Variants in RALGPS2 observed in about 807,000 individuals in gnomAD.
The protein encoded by RALGPS2 is Ral GEF with PH domain and SH3 binding motif 2.
Under a neutral mutation model 86.8 loss-of-function variants are expected in RALGPS2, and 43 were observed. The ratio of observed to expected loss-of-function variants is 0.50; its 90% confidence interval spans 0.39 to 0.64. The LOEUF (loss-of-function observed/expected upper bound fraction) is 0.64. Ranked by LOEUF, RALGPS2 falls within the 30% of genes least tolerant of loss-of-function variation. The pLI, the probability that RALGPS2 is intolerant of heterozygous loss-of-function variation, is 0.00. For synonymous variants in RALGPS2, 243 were observed against 231.3 expected (o/e 1.05, Z -0.46); for missense variants, 536 against 694.6 (o/e 0.77, Z 2.57).
In RALGPS2 at chr1:178,784,703, G is replaced by C. The variant is rs533748362; in HGVS notation, c.162+181G>C. On this transcript the variant is annotated intron_variant, in intron 3 of 19. Coordinates refer to ENST00000367635, the MANE Select transcript of RALGPS2 (RefSeq NM_152663.5). ...GGATGAAGTGGGAAAAGTAAGAAAA[G>C]CTGTACATTTTTTTTTAGGGCAACT... 1.3e-3 allele frequency among the ~76,000 whole-genome samples: 195 copies of C among 152,098 alleles called. 1 individual carries two copies. The highest frequency in any genetic ancestry group is 1.6e-4 in the Non-Finnish European group (11 of 67,938).
At chr1:178,818,493 G>C (rs928239432) in intron 6 of RALGPS2, among the ~76,000 whole-genome samples, 1 of 152,192 alleles carries the variant, frequency 6.6e-6, no homozygotes, top group African/African-American at 2.4e-5. Flanking sequence ...TCTGTACTTT[G>C]TATGGTACAG....
chr1:178,853,092 A>G (rs918024475), intron 8 of RALGPS2: 1 of 1,427,692 alleles, frequency 7.0e-7, no homozygotes, highest in African/African-American at 1.4e-5. Flanking sequence ...TTAGTTGGTC[A>G]CTTGCGTTTT....
intron 19 of RALGPS2, 37 bp from the exon 20 acceptor site, chr1:178,916,293 A>G (rs1405729724): frequency 4.6e-6 from 7 of 1,528,036 alleles, no homozygotes; most frequent in Admixed American, 1.7e-5. Context: ...TTGAAAAACA[A>G]CTTTTAAACT....
At chr1:178,727,502 C>A (rs561460015) in intron 1 of RALGPS2, among the ~76,000 whole-genome samples, 1 of 152,182 alleles carries the variant, frequency 6.6e-6, no homozygotes, top group East Asian at 1.9e-4. Context: ...CAGAACACAA[C>A]GTGCTTTTCT....
rs192741376 is a variant in RALGPS2, at chr1:178,785,523, A to C, written c.163-34A>C. ...TTACATGTTATGGTATAGAATTCCAAAGAAGAAATTGTCATTTTTACTTTA... is the reference window on the plus strand; with the variant it reads ...TTACATGTTATGGTATAGAATTCCACAGAAGAAATTGTCATTTTTACTTTA... On this transcript the variant is annotated intron_variant, in intron 3 of 19. Transcript: ENST00000367635. 1.2e-3 allele frequency: 1,795 copies of C among 1,560,478 alleles called. 12 individuals are homozygous for C. The African/African-American group carries it at 0.021, about 18-fold the overall frequency.
At chr1:178,764,023 T>A (rs1652377736) in intron 1 of RALGPS2, among the ~76,000 whole-genome samples, 1 of 152,134 alleles carries the variant, frequency 6.6e-6, no homozygotes, top group African/African-American at 2.4e-5. Flanking sequence ...GATCAAGTGT[T>A]GAGTTCAGGT....
intron 18 of RALGPS2, among the ~76,000 whole-genome samples, chr1:178,906,561 T>A (rs1660396076): frequency 6.6e-6 from 1 of 152,154 alleles, no homozygotes; most frequent in Non-Finnish European, 1.5e-5. Flanking sequence ...AGTGACTTTC[T>A]GAATATATGA....
At chr1:178,784,891 T>A (rs1653575162) in intron 3 of RALGPS2, among the ~76,000 whole-genome samples, 2 of 152,070 alleles carry the variant, frequency 1.3e-5, no homozygotes. Context: ...AAATGAAATA[T>A]GAAGGTGTTA....
At chr1:178,829,958 T>C (rs974880823) in intron 7 of RALGPS2, among the ~76,000 whole-genome samples, 5 of 152,124 alleles carry the variant, frequency 3.3e-5, no homozygotes, top group Admixed American at 1.3e-4. Flanking sequence ...TTGGCCAGGC[T>C]GGTCTCGAAC....
intron 16 of RALGPS2, among the ~76,000 whole-genome samples, chr1:178,895,419 AGT>A (rs1418176926): frequency 6.6e-6 from 1 of 152,062 alleles, no homozygotes; most frequent in Non-Finnish European, 1.5e-5. Context: ...GGTGAGGCAA[AGT>A]GTCTTCCTCC....
chr1:178,887,547 A>G (rs568933457), intron 13 of RALGPS2, among the ~76,000 whole-genome samples: 118 of 152,294 alleles, frequency 7.7e-4, no homozygotes, highest in Non-Finnish European at 1.4e-3. Context: ...TAACTACCAG[A>G]TTGTTCAAGG....
rs147946580 is a variant in RALGPS2 at position 178,729,530 on chromosome 1, T to C, written c.-84+4111T>C. ...TATTTGATTTATACAGCTGTGCAGT[T>C]AAAAAGAAAATTGTACTACAAGGGT... On this transcript the variant is annotated intron_variant, in intron 1 of 19. Transcript: ENST00000367635. 7.2e-3 allele frequency among the ~76,000 whole-genome samples: 1,103 copies of C among 152,302 alleles called. 14 individuals carry two copies. Among genetic ancestry groups the C allele is most frequent in the African/African-American group, 0.023 (942 of 41,558 alleles).
rs1572484603 is a variant in RALGPS2 at position 178,918,806 on chromosome 1, A to G, written c.*2447A>G. ...TTTTTTATCTATAATTTACCAAATA[A>G]TACCTGATAATAATTCAAAGAAAAT... On this transcript the variant is annotated 3_prime_UTR_variant, in exon 20 of 20. Transcript: ENST00000367635. 1 of 152,140 alleles carries G rather than the reference A, an allele frequency of 6.6e-6. No homozygotes were observed. Among genetic ancestry groups the G allele is most frequent in the South Asian group, 2.1e-4 (1 of 4,836 alleles). 9.4% of individuals were successfully genotyped at this position (152,140 alleles called of 1,614,324 possible). A position where few individuals can be genotyped will look rare whatever the true frequency, so the allele number is the denominator to read the frequency against.
At chr1:178,770,465 C>T (rs1393870619) in intron 1 of RALGPS2, among the ~76,000 whole-genome samples, 2 of 150,992 alleles carry the variant, frequency 1.3e-5, no homozygotes, top group African/African-American at 4.9e-5. Flanking sequence ...CGTATACATA[C>T]TGTTTTCCTG....
intron 1 of RALGPS2, among the ~76,000 whole-genome samples, chr1:178,730,105 C>A (rs542016821): frequency 2.0e-5 from 3 of 152,228 alleles, no homozygotes; most frequent in Non-Finnish European, 4.4e-5. Context: ...CCATGCCTGA[C>A]TAATTTTTGT....
intron 8 of RALGPS2, among the ~76,000 whole-genome samples, chr1:178,859,831 C>CCG (rs1421890795): frequency 9.9e-6 from 1 of 100,560 alleles, no homozygotes; most frequent in African/African-American, 3.6e-5. Context: ...CCCCCCCCCC[C>CCG]CCAACCGCCC....
chr1:178,779,327 AC>A (rs1174559004), intron 2 of RALGPS2, among the ~76,000 whole-genome samples: 1 of 152,118 alleles, frequency 6.6e-6, no homozygotes, highest in African/African-American at 2.4e-5. Flanking sequence ...TTCCTTAATA[AC>A]TTTAGCATCT....
intron 1 of RALGPS2, among the ~76,000 whole-genome samples, chr1:178,757,573 G>A (rs1652018031): frequency 6.6e-6 from 1 of 152,090 alleles, no homozygotes; most frequent in Non-Finnish European, 1.5e-5. Context: ...TTTTAATTCT[G>A]TTTATGTGGT....
At chr1:178,913,173 T>C (rs1030398833) in intron 19 of RALGPS2, among the ~76,000 whole-genome samples, 4 of 151,456 alleles carry the variant, frequency 2.6e-5, no homozygotes, top group African/African-American at 9.7e-5. Context: ...TCCCAGCCAC[T>C]AGGGAGGCTG....
Sources: allele counts gnomAD v4.1 joint callset (sites outside exome capture counted in the v4.1 genomes callset), GRCh38; gene constraint gnomAD v4.1.1; transcripts MANE v1.5; gene names NCBI Gene and HGNC (gene_info 2026-07-23, HGNC 2026-07-21).